The following TLCD4 variants were observed in gnomAD, a reference collection of about 807,000 sequenced individuals.
TLCD4 encodes TLC domain containing 4, also known as TLC domain-containing protein 4.
Under a neutral mutation model 24.2 loss-of-function variants are expected in TLCD4, and 7 were observed. That is an observed-to-expected ratio of 0.29 (90% CI 0.16 to 0.54). The LOEUF (loss-of-function observed/expected upper bound fraction) is 0.54, where lower values mean the gene tolerates loss of function less well. TLCD4 is among the 20% of genes least tolerant of loss of function. The probability of loss-of-function intolerance (pLI) is 0.95; values close to 1 mark genes in which losing one functional copy is unlikely to be tolerated. For missense variants in TLCD4, 259 were observed against 313.9 expected, an observed-to-expected ratio of 0.82 and a Z score of 1.32; for synonymous variants, 103 against 106.4, an observed-to-expected ratio of 0.97 and a Z score of 0.20.
intron 1 of TLCD4, chr1:95,140,820 T>C (rs1310746143): frequency 6.6e-6 from 1 of 152,260 alleles, no homozygotes; most frequent in African/African-American, 2.4e-5. Context: ...TTAACATATG[T>C]TAGTAATGAG....
At chr1:95,139,953 C>G (rs964987874) in intron 1 of TLCD4, among the ~76,000 whole-genome samples, 2 of 152,202 alleles carry the variant, frequency 1.3e-5, no homozygotes, top group Admixed American at 1.3e-4. Flanking sequence ...CCATCAATAT[C>G]ATTGTCGTCC....
intron 5 of TLCD4, among the ~76,000 whole-genome samples, chr1:95,172,364 A>G (rs1222983380): frequency 1.3e-5 from 2 of 152,230 alleles, no homozygotes; most frequent in Non-Finnish European, 2.9e-5. Context: ...AGTATAGAAT[A>G]ATAATTTCAA....
Position 95,178,563 on chromosome 1 carries a change from C to CTTTTTTTTTTT in TLCD4, c.473+4687_473+4697dup, listed in dbSNP as rs57190787. Among the ~76,000 whole-genome samples, 9 of 82,388 alleles carry CTTTTTTTTTTT rather than the reference C, an allele frequency of 1.1e-4. 1 individual carries two copies. In the East Asian group the frequency reaches 1.9e-3, roughly 18 times the overall value. The allele number at this position is 82,388 out of a possible 152,430, so 54.0% of individuals were successfully genotyped here. ...CAGGCGTGAGCCACCATGCCCAGCCCTTTTTTTTTTTTTTTTTTTTTTTGA... is the reference window on the plus strand; with the variant it reads ...CAGGCGTGAGCCACCATGCCCAGCCCTTTTTTTTTTTTTTTTTTTTTTTTTTTTTTTTTTGA... On this transcript the variant is annotated intron_variant, in intron 6 of 6. Coordinates refer to ENST00000370203, the MANE Select transcript of TLCD4 (RefSeq NM_152487.3).
chr1:95,175,788 T>C (rs1021028850), intron 6 of TLCD4, among the ~76,000 whole-genome samples: 1 of 152,068 alleles, frequency 6.6e-6, no homozygotes, highest in Non-Finnish European at 1.5e-5. Flanking sequence ...TTTCTTTTTT[T>C]TTTTGGATAC....
chr1:95,141,936 TG>T (rs1677209597), intron 1 of TLCD4, among the ~76,000 whole-genome samples: 2 of 151,932 alleles, frequency 1.3e-5, no homozygotes, highest in Non-Finnish European at 2.9e-5. Context: ...GGGAATGAAG[TG>T]GGGTTATTGC....
At chr1:95,154,333 C>G (rs757591951) in intron 5 of TLCD4, among the ~76,000 whole-genome samples, 15 of 152,138 alleles carry the variant, frequency 9.9e-5, no homozygotes, top group Non-Finnish European at 1.8e-4. Flanking sequence ...GGCACGTGGC[C>G]CAGTCTAATC....
chr1:95,174,883 C>T (rs1678369119), intron 6 of TLCD4, among the ~76,000 whole-genome samples: 1 of 152,118 alleles, frequency 6.6e-6, no homozygotes. Flanking sequence ...TCAGGTGATT[C>T]TCCTGCCTCA....
chr1:95,183,846 A>G (rs1437658879), intron 6 of TLCD4, among the ~76,000 whole-genome samples: 1 of 152,018 alleles, frequency 6.6e-6, no homozygotes, highest in Admixed American at 6.6e-5. Context: ...AAAAACAACA[A>G]CATAAAAAAC....
At chr1:95,119,883 G>T (rs1369776120) in intron 1 of TLCD4, among the ~76,000 whole-genome samples, 1 of 150,696 alleles carries the variant, frequency 6.6e-6, no homozygotes, top group Non-Finnish European at 1.5e-5. Context: ...TCTCAAACTG[G>T]GATACTCAGT....
At chr1:95,147,943 T>C (rs12036706) in intron 2 of TLCD4, among the ~76,000 whole-genome samples, 11,364 of 152,252 alleles carry the variant, frequency 0.075, 577 homozygotes, top group East Asian at 0.21. Flanking sequence ...TAGAAACTTA[T>C]GGTTTTTATG....
rs2100916749 is a variant in TLCD4, at chr1:95,131,673, A to G, written c.-11-12218A>G. On this transcript the variant is annotated intron_variant, in intron 1 of 6. Transcript: ENST00000370203. ...TTTTGATAGTTATTTAAGAAGTATAATCCATTGGACTTGGTGGTAGATTGA... is the reference window on the plus strand; with the variant it reads ...TTTTGATAGTTATTTAAGAAGTATAGTCCATTGGACTTGGTGGTAGATTGA... Among the ~76,000 whole-genome samples, 2 of 152,348 alleles carry G rather than the reference A, an allele frequency of 1.3e-5. 1 individual carries two copies.
At chr1:95,159,636 T>C (rs1677728858) in intron 5 of TLCD4, among the ~76,000 whole-genome samples, 1 of 152,228 alleles carries the variant, frequency 6.6e-6, no homozygotes, top group South Asian at 2.1e-4. Context: ...TTTATGGTTT[T>C]AGGTCTAACA....
At chr1:95,163,627 T>C (rs1284119603) in intron 5 of TLCD4, 2 of 152,196 alleles carry the variant, frequency 1.3e-5, no homozygotes, top group African/African-American at 4.8e-5. Flanking sequence ...TTTCTCCCCA[T>C]CTTTATGGTT....
chr1:95,168,166 A>G (rs965314), intron 5 of TLCD4, among the ~76,000 whole-genome samples: 94,812 of 152,114 alleles, frequency 0.62, 30,646 homozygotes, highest in East Asian at 0.8. Flanking sequence ...AGTATTAACC[A>G]TTCATTATAG....
the TLCD4 span, among the ~76,000 whole-genome samples, chr1:95,105,276 T>C: frequency 6.6e-6 from 1 of 152,210 alleles, no homozygotes; most frequent in African/African-American, 2.4e-5. Context: ...CTGGACTATT[T>C]TAAGTCAGGG....
intron 5 of TLCD4, among the ~76,000 whole-genome samples, chr1:95,159,171 T>G (rs1356265144): frequency 6.6e-6 from 1 of 152,208 alleles, no homozygotes; most frequent in Non-Finnish European, 1.5e-5. Flanking sequence ...CAGCACCTGT[T>G]GTTTCCTGAC....
the TLCD4 span, among the ~76,000 whole-genome samples, chr1:95,111,716 G>A: frequency 6.6e-6 from 1 of 152,174 alleles, no homozygotes; most frequent in East Asian, 1.9e-4. Flanking sequence ...CAGGGGCAGG[G>A]CACAGGCTGA....
At chr1:95,151,809 T>C (rs1308020677) in intron 5 of TLCD4, among the ~76,000 whole-genome samples, 1 of 152,162 alleles carries the variant, frequency 6.6e-6, no homozygotes, top group Non-Finnish European at 1.5e-5. Context: ...CAATTACATA[T>C]ACATAATTAC....
In TLCD4 at chr1:95,151,452, C is replaced by A. The variant is rs764462780; in HGVS notation, c.399+33C>A. On this transcript the variant is annotated intron_variant, in intron 5 of 6. Transcript: ENST00000370203. Reference sequence around the variant, plus strand: ...CCAGGATTTTCTGTAGCCTAACTAGCAGACAAGATTGGGAATAGTGATGTA... The same window carrying A: ...CCAGGATTTTCTGTAGCCTAACTAGAAGACAAGATTGGGAATAGTGATGTA... The A allele has an allele frequency of 1.7e-5, 28 of 1,600,146 alleles. No homozygotes were observed. The South Asian group carries it at 3.0e-4, about 17-fold the overall frequency.
Sources: gnomAD v4.1 joint callset for allele counts (sites outside exome capture counted in the v4.1 genomes callset) on GRCh38, gnomAD v4.1.1 for gene constraint, MANE v1.5 for transcripts, NCBI Gene and HGNC (gene_info 2026-07-23, HGNC 2026-07-21) for gene names.